The following MAP3K8 variants were observed in gnomAD, a reference collection of about 807,000 sequenced individuals.
MAP3K8 encodes the protein mitogen-activated protein kinase kinase kinase 8.
A neutral mutation model predicts 45.8 loss-of-function variants in MAP3K8; 22 were observed. The ratio of observed to expected loss-of-function variants is 0.48; its 90% CI spans 0.34 to 0.69. MAP3K8 has a LOEUF of 0.69. Ranked by LOEUF, MAP3K8 falls within the 30% of genes least tolerant of loss-of-function variation. The probability of loss-of-function intolerance (pLI) is 0.01; values close to 1 mark genes in which losing one functional copy is unlikely to be tolerated. For missense variants in MAP3K8, 419 were observed against 585.0 expected (o/e 0.72, Z 2.93); for synonymous variants, 223 against 214.3 (o/e 1.04, Z -0.36).
intron 3 of MAP3K8, among the ~76,000 whole-genome samples, chr10:30,445,474 C>CT (rs1385133949): frequency 6.6e-6 from 1 of 152,180 alleles, no homozygotes; most frequent in Non-Finnish European, 1.5e-5. Flanking sequence ...GTTGGTAAAA[C>CT]TTTCATGAAG....
At chr10:30,437,074 G>T (rs2132775839) in intron 1 of MAP3K8, 102 bp from the exon 2 acceptor site, 1 of 566,718 alleles carries the variant, frequency 1.8e-6, no homozygotes, top group Non-Finnish European at 2.2e-6. Flanking sequence ...CTCAGGAGGG[G>T]AAGCTGCCCC....
At chr10:30,452,198 G>C (rs1026805350) in intron 6 of MAP3K8, among the ~76,000 whole-genome samples, 6 of 151,868 alleles carry the variant, frequency 4.0e-5, no homozygotes, top group Non-Finnish European at 8.8e-5. Flanking sequence ...GGCTGGGCAC[G>C]GTGGCTCAAA....
chr10:30,450,136 C>T (rs1194667723), intron 4 of MAP3K8, 122 bp from the exon 5 acceptor site: 7 of 853,750 alleles, frequency 8.2e-6, no homozygotes, highest in African/African-American at 1.7e-5. Context: ...TCCATTTTCA[C>T]ACAGGGCAGA....
intron 3 of MAP3K8, among the ~76,000 whole-genome samples, chr10:30,443,448 T>C (rs1038781124): frequency 2.0e-5 from 3 of 152,258 alleles, no homozygotes; most frequent in African/African-American, 4.8e-5. Flanking sequence ...TCTTGTCTCT[T>C]CTTTCACATG....
chr10:30,457,932 C>T (rs2132832781), intron 6 of MAP3K8, 152 bp from the exon 7 acceptor site: 1 of 569,868 alleles, frequency 1.8e-6, no homozygotes, highest in East Asian at 3.4e-5. Context: ...ACTGCAGGGA[C>T]ACCTCCAGCA....
chr10:30,438,655 A>G (rs1835990790), intron 2 of MAP3K8, among the ~76,000 whole-genome samples: 1 of 152,216 alleles, frequency 6.6e-6, no homozygotes, highest in Non-Finnish European at 1.5e-5. Context: ...CCTGTAGCTG[A>G]TACCACTGAC....
chr10:30,448,722 G>T (rs185155799), intron 4 of MAP3K8, among the ~76,000 whole-genome samples: 1 of 151,920 alleles, frequency 6.6e-6, no homozygotes, highest in African/African-American at 2.4e-5. Context: ...ATAAGCCACC[G>T]CGCCCTGCCC....
chr10:30,447,832 G>A lies in MAP3K8; in HGVS notation c.387G>A (p.Leu129=). ...GRYQIDSDVL[L]IPWKLTYRNI... ...ACCAAATAGATTCCGATGTTCTCCT[G>A]ATCCCCTGGAAGCTGACTTACAGGA... The change falls in exon 4 of 9, where the codon CTG becomes CTA. Residue 129 remains leucine (L), a synonymous_variant. Transcript: ENST00000263056. The A allele has an allele frequency of 2.5e-6, 4 of 1,613,706 alleles. No homozygotes were observed. Among genetic ancestry groups the A allele is most frequent in the Non-Finnish European group, 3.4e-6 (4 of 1,179,800 alleles).
At chr10:30,451,149 T>G (rs1836525695) in intron 5 of MAP3K8, among the ~76,000 whole-genome samples, 1 of 151,630 alleles carries the variant, frequency 6.6e-6, no homozygotes, top group African/African-American at 2.4e-5. Context: ...GAGACAAGTA[T>G]TTTTGAGAAA....
intron 7 of MAP3K8, among the ~76,000 whole-genome samples, chr10:30,458,840 CA>C (rs1224084730): frequency 6.6e-6 from 1 of 152,094 alleles, no homozygotes; most frequent in East Asian, 1.9e-4. Flanking sequence ...TTTAGAAAGC[CA>C]AAACAAAAGG....
intron 6 of MAP3K8, among the ~76,000 whole-genome samples, chr10:30,452,938 C>T (rs1292010230): frequency 6.6e-6 from 1 of 152,036 alleles, no homozygotes; most frequent in Non-Finnish European, 1.5e-5. Context: ...CTCAGCCTCC[C>T]AAAGTGCTGG....
intron 3 of MAP3K8, among the ~76,000 whole-genome samples, 153 bp from the exon 4 acceptor site, chr10:30,447,629 C>T (rs1255778128): frequency 6.6e-6 from 1 of 152,136 alleles, no homozygotes; most frequent in East Asian, 1.9e-4. Context: ...TAAATATAGT[C>T]TCTGTACAGT....
intron 3 of MAP3K8, among the ~76,000 whole-genome samples, chr10:30,443,271 T>A (rs1262939506): frequency 6.6e-6 from 1 of 152,182 alleles, no homozygotes; most frequent in Non-Finnish European, 1.5e-5. Flanking sequence ...ATCATGACAC[T>A]CCATAGAGTT....
chr10:30,450,196 T>G (rs1836488088), intron 4 of MAP3K8, 62 bp from the exon 5 acceptor site: 1 of 1,489,000 alleles, frequency 6.7e-7, no homozygotes, highest in South Asian at 1.3e-5. Context: ...TTGACCTATA[T>G]TTTATATTTT....
chr10:30,440,775 G>A (rs141857700), intron 3 of MAP3K8, among the ~76,000 whole-genome samples: 1,524 of 151,510 alleles, frequency 0.01, 17 homozygotes, highest in Non-Finnish European at 9.3e-3. Context: ...CATTTTTAAC[G>A]TATTTATTTG....
intron 3 of MAP3K8, among the ~76,000 whole-genome samples, chr10:30,443,513 A>G (rs1482203750): frequency 6.6e-6 from 1 of 152,134 alleles, no homozygotes; most frequent in Non-Finnish European, 1.5e-5. Context: ...CTCTCTCATC[A>G]TCTGGGCAGG....
chr10:30,449,009 A>T (rs1564369422), intron 4 of MAP3K8, among the ~76,000 whole-genome samples: 1 of 152,226 alleles, frequency 6.6e-6, no homozygotes. Context: ...AAAAAGAATA[A>T]ATGATTTACA....
intron 3 of MAP3K8, among the ~76,000 whole-genome samples, chr10:30,442,744 G>A (rs1473286770): frequency 2.0e-5 from 3 of 152,016 alleles, no homozygotes; most frequent in Admixed American, 2.0e-4. Context: ...GGTTTTATGG[G>A]GACTGAAGGA....
At chr10:30,435,022 G>A (rs917917463) in intron 1 of MAP3K8, among the ~76,000 whole-genome samples, 3 of 152,184 alleles carry the variant, frequency 2.0e-5, no homozygotes, top group African/African-American at 7.2e-5. Flanking sequence ...TTATTTTCAC[G>A]GAAGTTGTTT....
Sources: allele counts gnomAD v4.1 joint callset (sites outside exome capture counted in the v4.1 genomes callset), GRCh38; gene constraint gnomAD v4.1.1; transcripts MANE v1.5; gene names NCBI Gene and HGNC (gene_info 2026-07-23, HGNC 2026-07-21).